FSHR: variants seen among roughly 807,000 people sequenced by gnomAD.
The protein encoded by FSHR is follicle-stimulating hormone receptor.
FSHR carries 46 observed loss-of-function variants against 52.1 expected under a neutral mutation model. The ratio of observed to expected loss-of-function variants is 0.88; its 90% CI spans 0.70 to 1.13. The LOEUF (loss-of-function observed/expected upper bound fraction) is 1.13, where lower values mean the gene tolerates loss of function less well. FSHR is among the 50% of genes most tolerant of loss of function. The probability of loss-of-function intolerance (pLI) is 0.00; values close to 1 mark genes in which losing one functional copy is unlikely to be tolerated. For missense variants in FSHR, 964 were observed against 834.6 expected, an observed-to-expected ratio of 1.16 and a Z score of -1.91; for synonymous variants, 399 against 309.6, an observed-to-expected ratio of 1.29 and a Z score of -3.03.
intron 9 of FSHR, among the ~76,000 whole-genome samples, chr2:48,965,879 G>A (rs1172884183): frequency 1.3e-5 from 2 of 152,198 alleles, no homozygotes; most frequent in Non-Finnish European, 2.9e-5. Flanking sequence ...TCTTGCCTCC[G>A]CAGTACTTTG....
intron 1 of FSHR, among the ~76,000 whole-genome samples, chr2:49,122,010 C>G (rs1206764286): frequency 1.3e-5 from 2 of 152,268 alleles, no homozygotes; most frequent in East Asian, 3.9e-4. Flanking sequence ...CTCAGTCAGG[C>G]AACATGCATG....
At chr2:49,101,857 G>C (rs531542629) in intron 1 of FSHR, among the ~76,000 whole-genome samples, 1 of 152,270 alleles carries the variant, frequency 6.6e-6, no homozygotes, top group East Asian at 1.9e-4. Flanking sequence ...TGGGGACTCT[G>C]TAGAGTCCGA....
At chr2:49,066,377 G>A (rs149359315) in intron 2 of FSHR, among the ~76,000 whole-genome samples, 27 of 152,088 alleles carry the variant, frequency 1.8e-4, no homozygotes, top group African/African-American at 5.5e-4. Context: ...AAGGAGATAG[G>A]TCTGGAAAGG....
chr2:49,010,356 C>A (rs1667224361), intron 4 of FSHR, among the ~76,000 whole-genome samples: 1 of 150,336 alleles, frequency 6.7e-6, no homozygotes, highest in Admixed American at 6.6e-5. Flanking sequence ...ATTGAACCAG[C>A]CTTGCATCCC....
intron 1 of FSHR, among the ~76,000 whole-genome samples, chr2:49,092,760 G>A (rs1383674007): frequency 6.6e-6 from 1 of 152,074 alleles, no homozygotes; most frequent in Non-Finnish European, 1.5e-5. Context: ...TCACCTCCCG[G>A]GTTCAAGTGA....
At chr2:48,987,871 C>CACACACACACACA (rs1491573311) in intron 6 of FSHR, among the ~76,000 whole-genome samples, 1 of 150,304 alleles carries the variant, frequency 6.7e-6, no homozygotes, top group African/African-American at 2.5e-5. Flanking sequence ...CACACACACA[C>CACACACACACACA]CCCTTCACTT....
intron 1 of FSHR, among the ~76,000 whole-genome samples, chr2:49,084,409 G>T (rs997082640): frequency 1.3e-5 from 2 of 152,150 alleles, no homozygotes; most frequent in Non-Finnish European, 2.9e-5. Context: ...ATTCACAGTT[G>T]ACACCCTAAC....
intron 2 of FSHR, among the ~76,000 whole-genome samples, chr2:49,061,568 A>ATATATTTAGATATATAT (rs1329861067): frequency 6.2e-4 from 90 of 145,288 alleles, no homozygotes; most frequent in Middle Eastern, 3.6e-3. Flanking sequence ...ATATAAATAT[A>ATATATTTAGATATATAT]CATATTTAGA....
chr2:49,146,507 G>A (rs1672876571), intron 1 of FSHR, among the ~76,000 whole-genome samples: 2 of 152,064 alleles, frequency 1.3e-5, no homozygotes, highest in Admixed American at 6.6e-5. Context: ...AATATCAAGA[G>A]AAAGAGATGT....
At chr2:49,117,760 C>T (rs969314040) in intron 1 of FSHR, among the ~76,000 whole-genome samples, 9 of 152,184 alleles carry the variant, frequency 5.9e-5, no homozygotes, top group Admixed American at 2.6e-4. Flanking sequence ...TTTCTATGTG[C>T]TCTTTGCTGT....
intron 1 of FSHR, among the ~76,000 whole-genome samples, chr2:49,081,761 T>G (rs1028029440): frequency 6.6e-6 from 1 of 152,206 alleles, no homozygotes; most frequent in African/African-American, 2.4e-5. Flanking sequence ...TGGGAAGCTT[T>G]ATGATTCTCT....
intron 2 of FSHR, among the ~76,000 whole-genome samples, chr2:49,039,182 C>G (rs115519920): frequency 0.012 from 1,822 of 152,272 alleles, 19 homozygotes; most frequent in Non-Finnish European, 0.022. Context: ...TCAGTAGATT[C>G]TTTTTCTCTG....
intron 2 of FSHR, among the ~76,000 whole-genome samples, chr2:49,061,634 C>T (rs1244391356): frequency 7.5e-6 from 1 of 133,452 alleles, no homozygotes; most frequent in African/African-American, 2.8e-5. Context: ...ATACATATAT[C>T]TATAATATAT....
At chr2:49,080,941 T>G (rs1218872881) in intron 1 of FSHR, among the ~76,000 whole-genome samples, 1 of 152,200 alleles carries the variant, frequency 6.6e-6, no homozygotes, top group Non-Finnish European at 1.5e-5. Flanking sequence ...TCCACTACAC[T>G]GCAGAGTTTG....
At chr2:49,019,414 T>C (rs113570244) in intron 3 of FSHR, among the ~76,000 whole-genome samples, 11 of 152,348 alleles carry the variant, frequency 7.2e-5, no homozygotes, top group Middle Eastern at 3.4e-3. Flanking sequence ...AAATAATTTA[T>C]AGTAATAATA....
At chr2:48,979,264 G>GTGAGA (rs1675130802) in intron 8 of FSHR, among the ~76,000 whole-genome samples, 8 of 152,064 alleles carry the variant, frequency 5.3e-5, no homozygotes. Flanking sequence ...TGGCAACATA[G>GTGAGA]TGAGACCCTG....
intron 1 of FSHR, among the ~76,000 whole-genome samples, chr2:49,081,138 G>C (rs548781197): frequency 6.6e-6 from 1 of 152,136 alleles, no homozygotes; most frequent in African/African-American, 2.4e-5. Context: ...CTTGGGTTCT[G>C]TGAGTATAAC....
intron 8 of FSHR, among the ~76,000 whole-genome samples, chr2:48,972,592 T>C (rs1474173622): frequency 6.6e-6 from 1 of 152,240 alleles, no homozygotes; most frequent in Non-Finnish European, 1.5e-5. Context: ...CTTGCCCTGT[T>C]TTCTGTGACT....
At chr2:49,044,064 C>G (rs1347826667) in intron 2 of FSHR, among the ~76,000 whole-genome samples, 1 of 152,160 alleles carries the variant, frequency 6.6e-6, no homozygotes, top group Non-Finnish European at 1.5e-5. Context: ...ATTCCAATTT[C>G]TGTAACTACA....
Sources: allele counts gnomAD v4.1 joint callset (sites outside exome capture counted in the v4.1 genomes callset), GRCh38; gene constraint gnomAD v4.1.1; transcripts MANE v1.5; gene names NCBI Gene and HGNC (gene_info 2026-07-23, HGNC 2026-07-21).